CHODL: variants seen among roughly 807,000 people sequenced by gnomAD.
CHODL encodes transmembrane protein MT75.
In CHODL, 29 loss-of-function variants were observed where a neutral mutation model predicts 34.5. The ratio of observed to expected loss-of-function variants is 0.84; its 90% CI spans 0.63 to 1.15. CHODL has a LOEUF of 1.15. Among genes scored for constraint, CHODL ranks in the 50% most tolerant of loss-of-function variants. CHODL has a pLI of 0.00. For missense variants in CHODL, 332 were observed against 332.5 expected, an observed-to-expected ratio of 1.00 and a Z score of 0.01; for synonymous variants, 125 against 116.1, an observed-to-expected ratio of 1.08 and a Z score of -0.49.
chr21:18,081,961 G>A (rs570156653), intron 2 of CHODL, among the ~76,000 whole-genome samples: 1 of 152,196 alleles, frequency 6.6e-6, no homozygotes, highest in Admixed American at 6.5e-5. Context: ...CACATTTATT[G>A]ATTTGCATAT....
chr21:18,021,169 A>C (rs779881198), intron 1 of CHODL, among the ~76,000 whole-genome samples: 2 of 152,176 alleles, frequency 1.3e-5, no homozygotes, highest in Non-Finnish European at 2.9e-5. Context: ...AGGTCTGACT[A>C]CTTAGGGAAG....
chr21:18,224,228 C>A (rs144162329), intron 2 of CHODL, among the ~76,000 whole-genome samples: 71 of 152,252 alleles, frequency 4.7e-4, no homozygotes, highest in African/African-American at 1.7e-3. Context: ...AATTTTTAGA[C>A]CCCCTTGACA....
At chr21:18,109,629 T>C (rs1314986290) in intron 2 of CHODL, among the ~76,000 whole-genome samples, 1 of 152,168 alleles carries the variant, frequency 6.6e-6, no homozygotes, top group Non-Finnish European at 1.5e-5. Flanking sequence ...CTTGTTTTTT[T>C]TCCCCTCATC....
intron 1 of CHODL, among the ~76,000 whole-genome samples, chr21:17,984,439 A>C (rs1338491812): frequency 6.6e-6 from 1 of 151,950 alleles, no homozygotes; most frequent in African/African-American, 2.4e-5. Flanking sequence ...TTTTTTGAGA[A>C]CCTCCATTCC....
In CHODL at chr21:18,128,824, C is replaced by A. The variant is rs542606494; in HGVS notation, c.-45+100853C>A. On this transcript the variant is annotated intron_variant, in intron 2 of 6. Coordinates refer to the CHODL transcript ENST00000400127. ...ATGCATATATTACATATTCATAAAA[C>A]ATTTATTTGTAAAATTAATAGTTTC... Among the ~76,000 whole-genome samples, 33 of 152,060 alleles carry A rather than the reference C, an allele frequency of 2.2e-4. No individual in the cohort carries two copies. The South Asian group carries it at 4.0e-3, about 18-fold the overall frequency.
At position 18,027,321 on chromosome 21, in the gene CHODL, A is replaced by T. The variant is rs1033393280; in HGVS notation, c.-144-551A>T. Among the ~76,000 whole-genome samples, 5 of 152,112 alleles carry T rather than the reference A, an allele frequency of 3.3e-5. No individual in the cohort carries two copies. The East Asian group carries it at 9.6e-4, about 29-fold the overall frequency. ...ATAAAAAAAACTCTCCAGAAATAAC[A>T]TGTCCTTTCATTAGTTTTTTAATAG... On this transcript the variant is annotated intron_variant, in intron 1 of 6. Coordinates refer to the CHODL transcript ENST00000400127.
chr21:18,077,093 C>T (rs2064875620), intron 2 of CHODL, among the ~76,000 whole-genome samples: 1 of 152,166 alleles, frequency 6.6e-6, no homozygotes, highest in Non-Finnish European at 1.5e-5. Flanking sequence ...AGGATTCCCA[C>T]CTCAGTGTGC....
intron 2 of CHODL, among the ~76,000 whole-genome samples, chr21:18,231,243 T>G (rs1241785471): frequency 6.6e-6 from 1 of 152,152 alleles, no homozygotes; most frequent in African/African-American, 2.4e-5. Context: ...CTCCTTTCCC[T>G]GCCAGCCCAC....
intron 2 of CHODL, among the ~76,000 whole-genome samples, chr21:18,070,909 A>G (rs1217528903): frequency 1.3e-4 from 20 of 151,402 alleles, no homozygotes; most frequent in Non-Finnish European, 1.5e-5. Flanking sequence ...TGTTTACTCC[A>G]ATTATGTTCT....
intron 2 of CHODL, among the ~76,000 whole-genome samples, chr21:18,139,362 T>TA (rs1009030372): frequency 6.6e-6 from 1 of 152,052 alleles, no homozygotes; most frequent in Non-Finnish European, 1.5e-5. Context: ...GAAAAAGTGA[T>TA]AAAAATAAGT....
intron 2 of CHODL, among the ~76,000 whole-genome samples, chr21:18,155,593 A>C (rs1372581066): frequency 6.6e-6 from 1 of 152,214 alleles, no homozygotes; most frequent in Non-Finnish European, 1.5e-5. Flanking sequence ...GACAAAACAG[A>C]GGGCAGAATT....
chr21:17,995,174 G>T (rs1339241510), intron 1 of CHODL, among the ~76,000 whole-genome samples: 1 of 152,114 alleles, frequency 6.6e-6, no homozygotes, highest in Non-Finnish European at 1.5e-5. Flanking sequence ...GGCAGGATAT[G>T]GTCTGGTGGG....
intron 2 of CHODL, among the ~76,000 whole-genome samples, chr21:18,127,561 ATAAAG>A (rs779124178): frequency 1.6e-4 from 25 of 152,152 alleles, no homozygotes; most frequent in African/African-American, 6.0e-4. Flanking sequence ...AGTAATTGAC[ATAAAG>A]TAAAACACAT....
intron 2 of CHODL, among the ~76,000 whole-genome samples, chr21:18,061,294 CT>C (rs1316206074): frequency 6.6e-6 from 1 of 152,110 alleles, no homozygotes; most frequent in Non-Finnish European, 1.5e-5. Flanking sequence ...TTCAGGATGA[CT>C]TTGATGATAA....
chr21:18,245,261 T>C lies in CHODL; in HGVS notation c.38T>C (p.Leu13Pro). Residue 13 changes from leucine to proline, a missense_variant, in exon 1 of 6, where the codon CTG becomes CCG. Transcript: ENST00000299295. ...GTCTCGCTGCTGCTGGGCGCCGCGCTGCTCTGCGGCCACGGAGCCTTCTGC... is the reference window on the plus strand; with the variant it reads ...GTCTCGCTGCTGCTGGGCGCCGCGCCGCTCTGCGGCCACGGAGCCTTCTGC... ...RVVSLLLGAA[L>P]LCGHGAFCRR... 6.6e-7 allele frequency: 1 copy of C among 1,524,230 alleles called. No homozygotes were observed. The highest frequency in any genetic ancestry group is 8.8e-7 in the Non-Finnish European group (1 of 1,142,424). The allele number at this position is 1,524,230 out of a possible 1,614,324, so 94.4% of individuals were successfully genotyped here. A position where few individuals can be genotyped will look rare whatever the true frequency, so the allele number is the denominator to read the frequency against.
At chr21:18,058,635 A>T (rs973525167) in intron 2 of CHODL, among the ~76,000 whole-genome samples, 5 of 152,178 alleles carry the variant, frequency 3.3e-5, no homozygotes, top group African/African-American at 7.2e-5. Flanking sequence ...TGGGAGAAAA[A>T]AGTTGAACTA....
intron 2 of CHODL, among the ~76,000 whole-genome samples, chr21:18,203,540 G>A (rs1223916930): frequency 1.3e-5 from 2 of 152,054 alleles, no homozygotes; most frequent in Non-Finnish European, 2.9e-5. Flanking sequence ...AAAGTATAAA[G>A]AAGCTTTCAG....
chr21:18,082,726 T>A (rs1600978927), intron 2 of CHODL, among the ~76,000 whole-genome samples: 1 of 152,246 alleles, frequency 6.6e-6, no homozygotes, highest in East Asian at 1.9e-4. Flanking sequence ...AACTTTGAAC[T>A]TGAGAGAGAG....
At chr21:18,008,430 T>G (rs1037131658) in intron 1 of CHODL, among the ~76,000 whole-genome samples, 3 of 152,140 alleles carry the variant, frequency 2.0e-5, no homozygotes, top group African/African-American at 7.2e-5. Flanking sequence ...TCTCTAGAAC[T>G]CGTTCATTTT....
Sources: allele counts gnomAD v4.1 joint callset (sites outside exome capture counted in the v4.1 genomes callset), GRCh38; gene constraint gnomAD v4.1.1; transcripts MANE v1.5; gene names NCBI Gene and HGNC (gene_info 2026-07-23, HGNC 2026-07-21).